Variants in CYREN observed in about 807,000 individuals in gnomAD.
The protein encoded by CYREN is cell cycle regulator of NHEJ, also known as cell cycle regulator of non-homologous end joining.
CYREN carries 7 observed loss-of-function variants against 9.7 expected under a neutral mutation model. The ratio of observed to expected loss-of-function variants is 0.72; its 90% CI spans 0.41 to 1.36. The LOEUF (loss-of-function observed/expected upper bound fraction) is 1.36. CYREN is among the 40% of genes most tolerant of loss of function. The pLI, the probability that CYREN is intolerant of heterozygous loss-of-function variation, is 0.01. For synonymous variants in CYREN, 76 were observed against 77.9 expected, an observed-to-expected ratio of 0.98 and a Z score of 0.13; for missense variants, 215 against 198.1, an observed-to-expected ratio of 1.09 and a Z score of -0.51.
rs920103644 is a variant in CYREN at position 135,151,709 on chromosome 7, G to A, written n.356+17040C>T. Reference sequence around the variant, plus strand: ...TTCCTTCAGTCTCACAACAGCCCATGAGGAACGTGACAACTGATGCATTAC... The same window carrying A: ...TTCCTTCAGTCTCACAACAGCCCATAAGGAACGTGACAACTGATGCATTAC... On this transcript the variant is annotated intron_variant and non_coding_transcript_variant, in intron 2 of 2. Coordinates refer to the CYREN transcript ENST00000459937. This position sits in a 1 kb window ranked among gnomAD's most constrained non-coding sequence, Gnocchi z 4.3. Among the ~76,000 whole-genome samples the A allele has an allele frequency of 5.3e-5, 8 of 152,204 alleles. No individual in the cohort carries two copies. The highest frequency in any genetic ancestry group is 1.9e-4 in the African/African-American group (8 of 41,446).
chr7:135,168,524 T>C (rs1243431272), intron 2 of CYREN: 3 of 503,172 alleles, frequency 6.0e-6, no homozygotes, highest in African/African-American at 5.9e-5. Context: ...AGAGACTGGC[T>C]GACATGGAGA....
In CYREN at chr7:135,095,346, A is replaced by G. The variant is rs55907743; in HGVS notation, n.357-764T>C. 2.0e-3 allele frequency among the ~76,000 whole-genome samples: 308 copies of G among 152,334 alleles called. 1 individual carries two copies. Among genetic ancestry groups the G allele is most frequent in the Non-Finnish European group, 3.2e-3 (218 of 68,036 alleles). On this transcript the variant is annotated intron_variant and non_coding_transcript_variant, in intron 2 of 2. Coordinates refer to the CYREN transcript ENST00000459937. The stretch of plus-strand genomic sequence containing the variant: ...GTATAATAACAGTGGTTTACAGCTG[A>G]TAAAGCAGCAAGAAAGACAGATTCT...
chr7:135,106,797 C>T lies in CYREN; in HGVS notation n.357-12215G>A, dbSNP rs977605378. Among the ~76,000 whole-genome samples, 5 of 152,086 alleles carry T rather than the reference C, an allele frequency of 3.3e-5. No homozygotes were observed. The South Asian group carries it at 8.3e-4, about 25-fold the overall frequency. ...AGTTTCAGTAGGAATGGTACCAGCT[C>T]GTCTTTGTACATCTGATTGAATTCA... On this transcript the variant is annotated intron_variant and non_coding_transcript_variant, in intron 2 of 2. Transcript: ENST00000459937.
chr7:135,135,595 T>G (rs1228370311), intron 2 of CYREN: 1 of 176,296 alleles, frequency 5.7e-6, no homozygotes, highest in Non-Finnish European at 1.2e-5. Flanking sequence ...AAAGTAGGAA[T>G]GACATATAAT....
upstream of CYREN, among the ~76,000 whole-genome samples, chr7:135,171,704 G>A (rs1004076713): frequency 2.8e-4 from 42 of 152,174 alleles, no homozygotes; most frequent in Admixed American, 2.3e-3. Flanking sequence ...CTACAGCTCC[G>A]TGTCTGAGAG....
intron 2 of CYREN, chr7:135,128,321 GAAAA>G (rs1188974707): frequency 3.5e-4 from 26 of 74,370 alleles, no homozygotes; most frequent in African/African-American, 1.5e-3. Context: ...AAAAAAAAAC[GAAAA>G]AAAAAAACAA....
rs1830444708 is a variant in CYREN at position 135,168,925 on chromosome 7, C to A, written c.-3G>T. ...GTCTCGGATTGTAAGGTTTCCATCTCTGTACCTTCTCACAAAGAAGAGTCA... is the reference window on the plus strand; with the variant it reads ...GTCTCGGATTGTAAGGTTTCCATCTATGTACCTTCTCACAAAGAAGAGTCA... On this transcript the variant is annotated 5_prime_UTR_variant, in exon 2 of 4. Transcript: ENST00000393114. 1 of 1,580,370 alleles carries A rather than the reference C, an allele frequency of 6.3e-7. No homozygotes were observed. Among genetic ancestry groups the A allele is most frequent in the African/African-American group, 1.4e-5 (1 of 73,210 alleles).
At chr7:135,093,261 T>C (rs1417966528) in exon 3 of CYREN, 1 of 151,324 alleles carries the variant, frequency 6.6e-6, no homozygotes, top group Non-Finnish European at 1.5e-5. Flanking sequence ...TTGTAGGATA[T>C]ATGTTCTTGT....
At chr7:135,094,403 T>C (rs774779991) in exon 3 of CYREN, 6 of 456,660 alleles carry the variant, frequency 1.3e-5, no homozygotes, top group South Asian at 9.3e-5. Context: ...GCTAGAATCA[T>C]AAACTGGTAG....
At chr7:135,100,265 T>C (rs933137073) in intron 2 of CYREN, among the ~76,000 whole-genome samples, 2 of 151,996 alleles carry the variant, frequency 1.3e-5, no homozygotes, top group Non-Finnish European at 2.9e-5. Flanking sequence ...TCAAATGCTT[T>C]ACTATCCATT....
intron 2 of CYREN, among the ~76,000 whole-genome samples, chr7:135,157,906 G>C (rs1829834789): frequency 6.6e-6 from 1 of 152,190 alleles, no homozygotes; most frequent in South Asian, 2.1e-4. Context: ...GCCAGCTGTG[G>C]GCTTGTGAAC....
chr7:135,103,191 T>C (rs1824117870), intron 2 of CYREN, among the ~76,000 whole-genome samples: 1 of 152,144 alleles, frequency 6.6e-6, no homozygotes, highest in South Asian at 2.1e-4. Context: ...CCTGCCTAGA[T>C]TTTCTGCTTA....
intron 2 of CYREN, among the ~76,000 whole-genome samples, chr7:135,123,343 G>GA (rs1827409066): frequency 1.3e-5 from 2 of 151,976 alleles, no homozygotes; most frequent in Non-Finnish European, 2.9e-5. Context: ...CAAGACTAGA[G>GA]AAAAAAGAAT....
At chr7:135,126,328 C>A (rs187937925) in intron 2 of CYREN, among the ~76,000 whole-genome samples, 8 of 152,266 alleles carry the variant, frequency 5.3e-5, no homozygotes, top group African/African-American at 1.9e-4. Flanking sequence ...AGGAATACAG[C>A]TAACAAGGGA....
chr7:135,143,479 G>A (rs1416994821), intron 2 of CYREN, among the ~76,000 whole-genome samples: 6 of 152,118 alleles, frequency 3.9e-5, no homozygotes, highest in Non-Finnish European at 8.8e-5. Context: ...AACTGAAAAT[G>A]GATCACAGAC....
chr7:135,101,575 G>T (rs1174099602), intron 2 of CYREN, among the ~76,000 whole-genome samples: 1 of 152,012 alleles, frequency 6.6e-6, no homozygotes, highest in Non-Finnish European at 1.5e-5. Context: ...CACCCGCCAA[G>T]AAAATAAAAA....
chr7:135,152,975 A>T (rs1177454562), intron 2 of CYREN: 1 of 152,234 alleles, frequency 6.6e-6, no homozygotes, highest in Non-Finnish European at 1.5e-5. Flanking sequence ...ACAAGAACAC[A>T]AACAACTCAA....
chr7:135,167,510 C>T (rs959780151), intron 3 of CYREN: 22 of 1,414,150 alleles, frequency 1.6e-5, no homozygotes, highest in African/African-American at 5.8e-5. Flanking sequence ...CCCTAACACA[C>T]GCATGCCCTC....
exon 3 of CYREN, chr7:135,093,569 T>C (rs1471509085): frequency 6.6e-6 from 1 of 152,138 alleles, no homozygotes; most frequent in Non-Finnish European, 1.5e-5. Context: ...ACAAGACTTA[T>C]AAACTGAAAA....
Sources: gnomAD v4.1 joint callset for allele counts (sites outside exome capture counted in the v4.1 genomes callset) on GRCh38, gnomAD v4.1.1 for gene constraint, Gnocchi (gnomAD v3.1) non-coding constraint, MANE v1.5 for transcripts, NCBI Gene and HGNC (gene_info 2026-07-23, HGNC 2026-07-21) for gene names.